DCX: variants seen among roughly 807,000 people sequenced by gnomAD.
DCX encodes neuronal migration protein doublecortin.
DCX carries 4 observed loss-of-function variants against 20.9 expected under a neutral mutation model. The ratio of observed to expected loss-of-function variants is 0.19; its 90% CI spans 0.09 to 0.44. The LOEUF is 0.44. Ranked by LOEUF, DCX falls within the 20% of genes least tolerant of loss-of-function variation. The probability of loss-of-function intolerance (pLI) is 0.99; values close to 1 mark genes in which losing one functional copy is unlikely to be tolerated. For missense variants in DCX, 133 were observed against 296.9 expected, an observed-to-expected ratio of 0.45 and a Z score of 4.06; for synonymous variants, 103 against 111.4, an observed-to-expected ratio of 0.92 and a Z score of 0.47.
chrX:111,304,384 T>A (rs1240197193), intron 6 of DCX, among the ~76,000 whole-genome samples: 4 of 112,069 alleles, frequency 3.6e-5, no homozygotes. Context: ...AACTGATGAA[T>A]CTTGTAAAAA....
At chrX:111,392,020 GT>G (rs1351983184) in intron 3 of DCX, among the ~76,000 whole-genome samples, 1 of 111,519 alleles carries the variant, frequency 9.0e-6, no homozygotes, top group African/African-American at 3.3e-5. Flanking sequence ...ATTCTGGAAG[GT>G]TAGGAGGGCC....
intron 3 of DCX, among the ~76,000 whole-genome samples, chrX:111,360,160 C>T (rs1924089924): frequency 8.9e-6 from 1 of 111,859 alleles, no homozygotes; most frequent in Non-Finnish European, 1.9e-5. Context: ...GGGGTTGCAG[C>T]ACTGTTCACA....
At position 111,315,275 on chromosome X, in the gene DCX, A is replaced by G. The variant is rs1488565993; in HGVS notation, c.947-2539T>C. ...CATCAAAAAGTGGGCGAAGGACATG[A>G]ACAGACACTTCTCAAAAGAAGACAT... On this transcript the variant is annotated intron_variant, in intron 5 of 6. Transcript: ENST00000636035. Among the ~76,000 whole-genome samples, 3 of 87,374 alleles carry G rather than the reference A, an allele frequency of 3.4e-5. 1 individual carries two copies. Among genetic ancestry groups the G allele is most frequent in the Non-Finnish European group, 4.4e-5 (2 of 45,611 alleles). The allele number at this position is 87,374 out of a possible 115,157, so 75.9% of individuals were successfully genotyped here.
At chrX:111,376,364 T>C (rs911664710) in intron 3 of DCX, among the ~76,000 whole-genome samples, 5 of 111,481 alleles carry the variant, frequency 4.5e-5, no homozygotes, top group Admixed American at 2.9e-4. Flanking sequence ...TAGAAGTCTT[T>C]GCTGTATGAA....
rs1254888321 is a variant in DCX, at chrX:111,299,136, C to A, written c.*2551G>T. 1 of 110,087 alleles carries A rather than the reference C, an allele frequency of 9.1e-6. No individual in the cohort carries two copies. The highest frequency in any genetic ancestry group is 9.7e-5 in the Admixed American group (1 of 10,307). The allele number at this position is 110,087 out of a possible 1,213,427, so 9.1% of individuals were successfully genotyped here. A position where few individuals can be genotyped will look rare whatever the true frequency, so the allele number is the denominator to read the frequency against. On this transcript the variant is annotated 3_prime_UTR_variant, in exon 7 of 7. Coordinates refer to ENST00000636035, the MANE Select transcript of DCX (RefSeq NM_001195553.2). ...GTGGAGGAGCTCAGTTACAGACACA[C>A]AAAAAAAATTGCCTTGAAAGTGGGC...
At chrX:111,383,714 C>A (rs1401457786) in intron 3 of DCX, among the ~76,000 whole-genome samples, 1 of 111,566 alleles carries the variant, frequency 9.0e-6, no homozygotes, top group Non-Finnish European at 1.9e-5. Context: ...GAGGGTTGGA[C>A]TAAAACAATA....
At chrX:111,411,051 G>A (rs1928675875) in intron 1 of DCX, 1 of 932,482 alleles carries the variant, frequency 1.1e-6, no homozygotes, top group South Asian at 2.0e-5. Context: ...TCCTTTAAAG[G>A]GACAGCCTCC....
intron 1 of DCX, chrX:111,411,010 C>T: frequency 9.1e-7 from 1 of 1,100,766 alleles, no homozygotes; most frequent in South Asian, 1.8e-5. Context: ...CTAATGTGTG[C>T]ATCCCCTCCC....
intron 2 of DCX, among the ~76,000 whole-genome samples, chrX:111,401,949 G>A (rs1185825851): frequency 8.9e-6 from 1 of 112,306 alleles, no homozygotes; most frequent in Non-Finnish European, 1.9e-5. Context: ...TATGTTGAAT[G>A]TTTATATGTG....
chrX:111,336,946 AAAGAAG>A (rs201560369), intron 3 of DCX, among the ~76,000 whole-genome samples: 2 of 111,431 alleles, frequency 1.8e-5, no homozygotes, highest in African/African-American at 6.5e-5. Context: ...GGGAGAAAAG[AAAGAAG>A]AAGAAGAAGG....
chrX:111,344,999 A>G (rs1322217128), intron 3 of DCX, among the ~76,000 whole-genome samples: 1 of 112,282 alleles, frequency 8.9e-6, no homozygotes, highest in Admixed American at 9.4e-5. Flanking sequence ...CTATACTAGA[A>G]GGCTACAGTA....
intron 3 of DCX, among the ~76,000 whole-genome samples, chrX:111,372,396 C>T (rs745839097): frequency 1.8e-5 from 2 of 111,995 alleles, no homozygotes; most frequent in South Asian, 3.7e-4. Context: ...CTCCACAGAA[C>T]GAGAGAATGG....
intron 3 of DCX, among the ~76,000 whole-genome samples, chrX:111,372,964 C>T (rs570169001): frequency 5.0e-4 from 55 of 110,739 alleles, no homozygotes; most frequent in African/African-American, 1.7e-3. Context: ...GAGGGGATAT[C>T]GCTGGCAATT....
In DCX at chrX:111,403,954, G is replaced by T. The variant is rs778776706; in HGVS notation, c.365-2624C>A. Among the ~76,000 whole-genome samples, 57 of 110,106 alleles carry T rather than the reference G, an allele frequency of 5.2e-4. 1 individual carries two copies. The highest frequency in any genetic ancestry group is 9.3e-3 in the Middle Eastern group (2 of 215). On this transcript the variant is annotated intron_variant, in intron 2 of 6. Transcript: ENST00000636035. ...CCAGCTACTAGGGAGGCTGAGGAAG[G>T]AGAATCGCTTGAACCTGGGAGGCAG...
rs769085755 is a variant in DCX at position 111,367,075 on chromosome X, T to C, written c.705+33915A>G. 3.1e-3 allele frequency among the ~76,000 whole-genome samples: 343 copies of C among 111,862 alleles called. 3 individuals are homozygous for C. Among genetic ancestry groups the C allele is most frequent in the African/African-American group, 0.01 (314 of 30,830 alleles). Reference sequence around the variant, plus strand: ...GAATTCACTACGTTGAAAATGTAAATTTCCTGCTCCCCAAACTCCAAAAAT... The same window carrying C: ...GAATTCACTACGTTGAAAATGTAAACTTCCTGCTCCCCAAACTCCAAAAAT... On this transcript the variant is annotated intron_variant, in intron 3 of 6. Coordinates refer to ENST00000636035, the MANE Select transcript of DCX (RefSeq NM_001195553.2).
At chrX:111,409,044 G>A (rs1928484505) in intron 2 of DCX, among the ~76,000 whole-genome samples, 1 of 111,592 alleles carries the variant, frequency 9.0e-6, no homozygotes, top group South Asian at 3.8e-4. Context: ...GGATAATGGG[G>A]GAGGGGCTTG....
At chrX:111,314,896 T>C (rs1316269229) in intron 5 of DCX, among the ~76,000 whole-genome samples, 1 of 106,889 alleles carries the variant, frequency 9.4e-6, no homozygotes, top group Non-Finnish European at 1.9e-5. Context: ...AAAAATTTTT[T>C]CCCATGTTGT....
intron 3 of DCX, among the ~76,000 whole-genome samples, chrX:111,354,471 C>T (rs1173965413): frequency 8.9e-6 from 1 of 111,977 alleles, no homozygotes. Flanking sequence ...GAGTTTCTGT[C>T]ACAACCCTCA....
intron 3 of DCX, among the ~76,000 whole-genome samples, chrX:111,390,980 T>C (rs1410778384): frequency 1.1e-5 from 1 of 93,771 alleles, no homozygotes; most frequent in Non-Finnish European, 2.1e-5. Context: ...CATTCCAGTC[T>C]GGGCAATAGT....
Sources: allele counts gnomAD v4.1 joint callset (sites outside exome capture counted in the v4.1 genomes callset), GRCh38; gene constraint gnomAD v4.1.1; transcripts MANE v1.5; gene names NCBI Gene and HGNC (gene_info 2026-07-23, HGNC 2026-07-21).